The following IQSEC1 variants were observed in gnomAD, a reference collection of about 807,000 sequenced individuals.
IQSEC1 encodes IQ motif and SEC7 domain-containing protein 1.
IQSEC1 carries 31 observed loss-of-function variants against 91.0 expected under a neutral mutation model. That is an observed-to-expected ratio of 0.34 (90% confidence interval 0.26 to 0.46). IQSEC1 has a LOEUF of 0.46. IQSEC1 is among the 20% of genes least tolerant of loss of function. The pLI, the probability that IQSEC1 is intolerant of heterozygous loss-of-function variation, is 1.00. For synonymous variants in IQSEC1, 699 were observed against 662.6 expected (o/e 1.05, Z -0.84); for missense variants, 1,388 against 1,575.6 (o/e 0.88, Z 2.02).
intron 3 of IQSEC1, among the ~76,000 whole-genome samples, chr3:12,934,858 C>A (rs1698024210): frequency 6.6e-6 from 1 of 152,102 alleles, no homozygotes; most frequent in South Asian, 2.1e-4. Context: ...CCCCAAGACC[C>A]CCAGACACAG....
upstream of IQSEC1, among the ~76,000 whole-genome samples, chr3:13,076,090 C>T (rs1352397745): frequency 2.6e-5 from 4 of 152,218 alleles, no homozygotes; most frequent in Non-Finnish European, 5.9e-5. Context: ...TGTCCACTTT[C>T]CTCACTTTCG....
intron 1 of IQSEC1, among the ~76,000 whole-genome samples, chr3:13,213,412 A>T (rs916509187): frequency 7.9e-5 from 12 of 152,164 alleles, no homozygotes; most frequent in African/African-American, 2.7e-4. Flanking sequence ...AGTATTGATG[A>T]TGACTGTTGG....
At chr3:13,269,252 C>T (rs995169328) in intron 1 of IQSEC1, among the ~76,000 whole-genome samples, 2 of 152,228 alleles carry the variant, frequency 1.3e-5, no homozygotes, top group African/African-American at 4.8e-5. Flanking sequence ...AGGAGCGAGG[C>T]TGCTTGGGTG....
chr3:13,091,231 G>T (rs926241032), intron 2 of IQSEC1, among the ~76,000 whole-genome samples: 1 of 152,148 alleles, frequency 6.6e-6, no homozygotes, highest in African/African-American at 2.4e-5. Flanking sequence ...ACCACTCTCC[G>T]AGGGCAGCAG....
chr3:13,018,855 C>T (rs1001445581), intron 1 of IQSEC1, among the ~76,000 whole-genome samples: 3 of 152,206 alleles, frequency 2.0e-5, no homozygotes, highest in Non-Finnish European at 2.9e-5. Flanking sequence ...CTAAGAGTCA[C>T]GTCCACGGTA....
rs1367971594 is a variant in IQSEC1, at chr3:12,940,520, T to C, written c.318+1051A>G. On this transcript the variant is annotated intron_variant, in intron 2 of 13. Coordinates refer to ENST00000613206, the MANE Select transcript of IQSEC1 (RefSeq NM_001134382.3). This position sits in a 1 kb window ranked among gnomAD's most constrained non-coding sequence, Gnocchi z 4.4. ...TGGGTGGGAGTGAAGGCCAGGGGCT[T>C]CTGCAGCATGGAGTCTGGGAAGACG... Among the ~76,000 whole-genome samples the C allele has an allele frequency of 6.6e-6, 1 of 151,756 alleles. No individual in the cohort carries two copies. The highest frequency in any genetic ancestry group is 1.5e-5 in the Non-Finnish European group (1 of 67,922).
chr3:12,995,063 C>G (rs1702173966), intron 1 of IQSEC1: 1 of 152,258 alleles, frequency 6.6e-6, no homozygotes, highest in South Asian at 2.1e-4. Flanking sequence ...GGAGCGGCGG[C>G]CTCTCTCCCG....
chr3:13,094,666 T>C (rs976847475), intron 2 of IQSEC1, among the ~76,000 whole-genome samples: 1 of 152,024 alleles, frequency 6.6e-6, no homozygotes, highest in African/African-American at 2.4e-5. Flanking sequence ...TGAGGACAGA[T>C]AAATCAGGAG....
chr3:13,268,423 T>C (rs116309865), intron 1 of IQSEC1, among the ~76,000 whole-genome samples: 4 of 152,194 alleles, frequency 2.6e-5, no homozygotes, highest in African/African-American at 7.2e-5. Context: ...GAGACCCTTA[T>C]TGCCAGGGAA....
At chr3:13,232,848 G>T (rs938791228) in intron 1 of IQSEC1, among the ~76,000 whole-genome samples, 15 of 152,158 alleles carry the variant, frequency 9.9e-5, no homozygotes, top group African/African-American at 3.1e-4. Context: ...CAACAATATG[G>T]ATGAAGCCTG....
intron 1 of IQSEC1, among the ~76,000 whole-genome samples, chr3:13,236,385 C>T (rs1441395181): frequency 1.3e-5 from 2 of 152,190 alleles, no homozygotes; most frequent in Non-Finnish European, 2.9e-5. Flanking sequence ...TTCCAGTTTT[C>T]GACATGAAAC....
chr3:13,069,923 A>G (rs1033600862), intron 1 of IQSEC1, among the ~76,000 whole-genome samples: 3 of 152,196 alleles, frequency 2.0e-5, no homozygotes, highest in Non-Finnish European at 4.4e-5. Context: ...TTGGGTTAAG[A>G]AATCTTCTCC....
intron 1 of IQSEC1, among the ~76,000 whole-genome samples, chr3:13,206,817 A>G (rs540457897): frequency 2.6e-5 from 4 of 152,138 alleles, no homozygotes; most frequent in Non-Finnish European, 4.4e-5. Flanking sequence ...GCTATCATAA[A>G]TAAACGGGGC....
chr3:12,908,200 C>T lies in IQSEC1; in HGVS notation c.2755+149G>A, dbSNP rs1695190700. 3.5e-5 allele frequency: 27 copies of T among 774,250 alleles called. 1 individual carries two copies. The South Asian group carries it at 3.8e-4, about 11-fold the overall frequency. The allele number at this position is 774,250 out of a possible 1,614,324, so 48.0% of individuals were successfully genotyped here. On this transcript the variant is annotated intron_variant, in intron 12 of 13. Coordinates refer to ENST00000613206, the MANE Select transcript of IQSEC1 (RefSeq NM_001134382.3). The surrounding 1 kb of genome is among the most constrained non-coding windows in gnomAD (Gnocchi z 4.9). ...TGGGGCGCCCTTTCTGTATGTCACA[C>T]GCTGCTCTGCTTTGCGGAAGGTCAG...
chr3:13,181,811 G>T (rs1428150982), intron 1 of IQSEC1, among the ~76,000 whole-genome samples: 1 of 152,212 alleles, frequency 6.6e-6, no homozygotes, highest in Non-Finnish European at 1.5e-5. Flanking sequence ...ACTTTAAAAT[G>T]AAATCTATAA....
At chr3:13,081,520 C>A (rs1705646885) in intron 2 of IQSEC1, among the ~76,000 whole-genome samples, 1 of 152,302 alleles carries the variant, frequency 6.6e-6, no homozygotes, top group South Asian at 2.1e-4. Flanking sequence ...CCTCCCACCT[C>A]GGCCTCCCAA....
intron 1 of IQSEC1, among the ~76,000 whole-genome samples, chr3:13,260,017 T>G (rs540121947): frequency 6.6e-6 from 1 of 152,374 alleles, no homozygotes; most frequent in East Asian, 1.9e-4. Flanking sequence ...GCAAAAGTTG[T>G]GCCTGCCAGA....
At chr3:13,153,653 C>T (rs1707036656) in intron 2 of IQSEC1, among the ~76,000 whole-genome samples, 1 of 152,206 alleles carries the variant, frequency 6.6e-6, no homozygotes, top group South Asian at 2.1e-4. Context: ...AGACCCACCC[C>T]CTTCAGAAGC....
At chr3:12,973,677 G>A (rs944458363) in intron 1 of IQSEC1, among the ~76,000 whole-genome samples, 1 of 152,216 alleles carries the variant, frequency 6.6e-6, no homozygotes, top group Non-Finnish European at 1.5e-5. Flanking sequence ...GGCATTGCAT[G>A]CCTATATCAA....
Sources: allele counts gnomAD v4.1 joint callset (sites outside exome capture counted in the v4.1 genomes callset), GRCh38; gene constraint gnomAD v4.1.1; non-coding constraint Gnocchi (gnomAD v3.1); transcripts MANE v1.5; gene names NCBI Gene and HGNC (gene_info 2026-07-23, HGNC 2026-07-21).